JARID2: variants seen among roughly 807,000 people sequenced by gnomAD.
The protein encoded by JARID2 is protein Jumonji.
In JARID2, 21 loss-of-function variants were observed where a neutral mutation model predicts 125.6. That is an observed-to-expected ratio of 0.17 (90% confidence interval 0.12 to 0.24). The LOEUF (loss-of-function observed/expected upper bound fraction) is 0.24. JARID2 is among the 10% of genes least tolerant of loss of function. The pLI, the probability that JARID2 is intolerant of heterozygous loss-of-function variation, is 1.00. For synonymous variants in JARID2, 736 were observed against 661.6 expected, an observed-to-expected ratio of 1.11 and a Z score of -1.73; for missense variants, 1,303 against 1,639.6, an observed-to-expected ratio of 0.79 and a Z score of 3.55.
chr6:15,441,671 A>G (rs897903901), intron 3 of JARID2, among the ~76,000 whole-genome samples: 1 of 152,194 alleles, frequency 6.6e-6, no homozygotes, highest in African/African-American at 2.4e-5. Context: ...CGTGTGCTGA[A>G]TGGATGGTTA....
intron 1 of JARID2, among the ~76,000 whole-genome samples, chr6:15,280,344 T>C (rs546450556): frequency 6.6e-6 from 1 of 152,296 alleles, no homozygotes; most frequent in African/African-American, 2.4e-5. Flanking sequence ...TCTCGGTTTT[T>C]TCCCTTCCAA....
At chr6:15,406,629 A>G (rs1765662091) in intron 2 of JARID2, among the ~76,000 whole-genome samples, 1 of 152,228 alleles carries the variant, frequency 6.6e-6, no homozygotes, top group African/African-American at 2.4e-5. Flanking sequence ...CAATGGAGTC[A>G]GTACTTTGAT....
chr6:15,475,760 C>G (rs141459701), intron 5 of JARID2, among the ~76,000 whole-genome samples: 1 of 152,290 alleles, frequency 6.6e-6, no homozygotes, highest in East Asian at 1.9e-4. Flanking sequence ...GGTGAGAGCT[C>G]AGTCTTCCCT....
intron 2 of JARID2, among the ~76,000 whole-genome samples, chr6:15,405,380 G>A (rs1765607438): frequency 6.6e-6 from 1 of 152,228 alleles, no homozygotes; most frequent in South Asian, 2.1e-4. Flanking sequence ...AATGGACACT[G>A]CCTTGTGGCT....
chr6:15,468,822 C>A, intron 5 of JARID2, 104 bp downstream of exon 5: 1 of 1,103,824 alleles, frequency 9.1e-7, no homozygotes, highest in South Asian at 1.6e-5. Context: ...AAAGCTCGTT[C>A]TGGGTACTTC....
intron 1 of JARID2, among the ~76,000 whole-genome samples, chr6:15,274,646 T>G (rs1362235594): frequency 6.6e-6 from 1 of 152,146 alleles, no homozygotes; most frequent in Non-Finnish European, 1.5e-5. Flanking sequence ...CCTCGACTTT[T>G]TGTGTGTGAA....
chr6:15,366,608 C>T (rs188525515), intron 1 of JARID2, among the ~76,000 whole-genome samples: 9 of 151,844 alleles, frequency 5.9e-5, no homozygotes, highest in Admixed American at 5.2e-4. Flanking sequence ...GTTAGGAGAT[C>T]TTCCTGCCTG....
intron 1 of JARID2, among the ~76,000 whole-genome samples, chr6:15,347,170 T>C (rs1763271734): frequency 6.6e-6 from 1 of 152,218 alleles, no homozygotes; most frequent in Non-Finnish European, 1.5e-5. Flanking sequence ...GCAGCTACTA[T>C]ATATTTAAGT....
intron 1 of JARID2, among the ~76,000 whole-genome samples, chr6:15,267,735 T>C (rs1472198094): frequency 1.3e-5 from 2 of 152,168 alleles, no homozygotes; most frequent in African/African-American, 4.8e-5. Context: ...CAGTGCTTTG[T>C]TACTGTGCAC....
chr6:15,382,536 A>G (rs1316294607), intron 2 of JARID2, among the ~76,000 whole-genome samples: 1 of 152,184 alleles, frequency 6.6e-6, no homozygotes, highest in Non-Finnish European at 1.5e-5. Context: ...TACTGGTCTG[A>G]TGCCAAAGGA....
At chr6:15,495,820 TC>T (rs1350646681) in intron 6 of JARID2, among the ~76,000 whole-genome samples, 2 of 152,066 alleles carry the variant, frequency 1.3e-5, no homozygotes, top group Admixed American at 1.3e-4. Flanking sequence ...ACACCAAATT[TC>T]CTGGAAGAGC....
intron 3 of JARID2, among the ~76,000 whole-genome samples, chr6:15,411,591 A>G (rs1016752512): frequency 7.9e-5 from 12 of 152,238 alleles, no homozygotes; most frequent in Admixed American, 7.9e-4. Flanking sequence ...TGAACCTGTT[A>G]TATTACAGAT....
intron 1 of JARID2, among the ~76,000 whole-genome samples, chr6:15,372,965 C>A (rs866495425): frequency 6.6e-6 from 1 of 151,416 alleles, no homozygotes; most frequent in Admixed American, 6.6e-5. Context: ...TCTTGGCCCC[C>A]AAAAGTGCTG....
intron 3 of JARID2, among the ~76,000 whole-genome samples, chr6:15,448,278 T>G (rs1767762066): frequency 6.6e-6 from 1 of 152,220 alleles, no homozygotes; most frequent in Non-Finnish European, 1.5e-5. Context: ...GGGAAAGTCA[T>G]TAGGCACCAA....
intron 4 of JARID2, among the ~76,000 whole-genome samples, chr6:15,457,701 G>A (rs147142955): frequency 1.3e-5 from 2 of 151,494 alleles, no homozygotes; most frequent in Admixed American, 6.6e-5. Context: ...GTGAGGCCAA[G>A]GGAAAGACAG....
intron 1 of JARID2, among the ~76,000 whole-genome samples, chr6:15,258,745 G>A (rs978153000): frequency 2.0e-5 from 3 of 152,196 alleles, no homozygotes; most frequent in Non-Finnish European, 2.9e-5. Flanking sequence ...TTGCGCCACT[G>A]CACTCCAGCC....
chr6:15,328,544 A>G (rs1161443950), intron 1 of JARID2, among the ~76,000 whole-genome samples: 2 of 152,206 alleles, frequency 1.3e-5, no homozygotes, highest in Non-Finnish European at 2.9e-5. Context: ...GAACATTGCT[A>G]AATTTTATTG....
rs1770305737 is a variant in JARID2, at chr6:15,494,421, T to TTTTTTTTTTG, written c.907-1702_907-1701insGTTTTTTTTT. Reference sequence around the variant, plus strand: ...GGATGTTTTTGGCAAGTCTTTTTTTTTTTTTTTTTTTTGAGACAAGAGTCT... The same window carrying TTTTTTTTTTG: ...GGATGTTTTTGGCAAGTCTTTTTTTTTTTTTTTTTGTTTTTTTTTTTTGAGACAAGAGTCT... On this transcript the variant is annotated intron_variant, in intron 6 of 17. Transcript: ENST00000341776. Among the ~76,000 whole-genome samples the TTTTTTTTTTG allele has an allele frequency of 3.6e-5, 5 of 137,320 alleles. 1 individual carries two copies. In the South Asian group the frequency reaches 1.3e-3, roughly 35 times the overall value. 90.1% of individuals were successfully genotyped at this position (137,320 alleles called of 152,430 possible).
Position 15,404,539 on chromosome 6 carries a change from A to G in JARID2, c.182-5685A>G, listed in dbSNP as rs1027877744. ...AAAGTGCACACACACACACACACAC[A>G]CACACACACACACACACACACACAC... On this transcript the variant is annotated intron_variant, in intron 2 of 17. Transcript: ENST00000341776. 5.0e-3 allele frequency among the ~76,000 whole-genome samples: 544 copies of G among 109,172 alleles called. 2 individuals carry two copies. The highest frequency in any genetic ancestry group is 7.4e-3 in the Non-Finnish European group (387 of 52,202). The allele number at this position is 109,172 out of a possible 152,430, so 71.6% of individuals were successfully genotyped here. A position where few individuals can be genotyped will look rare whatever the true frequency, so the allele number is the denominator to read the frequency against.
Sources: allele counts gnomAD v4.1 joint callset (sites outside exome capture counted in the v4.1 genomes callset), GRCh38; gene constraint gnomAD v4.1.1; transcripts MANE v1.5; gene names NCBI Gene and HGNC (gene_info 2026-07-23, HGNC 2026-07-21).